The following PALM2AKAP2 variants were observed in gnomAD, a reference collection of about 807,000 sequenced individuals.
The protein encoded by PALM2AKAP2 is PALM2 and AKAP2 fusion, also known as PALM2-AKAP2 fusion protein.
A neutral mutation model predicts 71.5 loss-of-function variants in PALM2AKAP2; 37 were observed. The observed-to-expected ratio is 0.52, with a 90% CI of 0.40 to 0.68. PALM2AKAP2 has a LOEUF of 0.68. Among genes scored for constraint, PALM2AKAP2 ranks in the 30% least tolerant of loss-of-function variants. The pLI is 0.00. For missense variants in PALM2AKAP2, 1,224 were observed against 1,191.8 expected, an observed-to-expected ratio of 1.03 and a Z score of -0.40; for synonymous variants, 468 against 478.8, an observed-to-expected ratio of 0.98 and a Z score of 0.29.
chr9:109,707,528 G>C (rs1049104182), intron 1 of PALM2AKAP2, among the ~76,000 whole-genome samples: 3 of 152,156 alleles, frequency 2.0e-5, no homozygotes, highest in Non-Finnish European at 4.4e-5. Flanking sequence ...GTGCCAGGTA[G>C]TGCAAGGCAT....
At chr9:109,919,941 T>C (rs989955133) in intron 3 of PALM2AKAP2, among the ~76,000 whole-genome samples, 2 of 152,112 alleles carry the variant, frequency 1.3e-5, no homozygotes, top group African/African-American at 2.4e-5. Flanking sequence ...CTTAGCTGAG[T>C]GGCTCTAATT....
intron 1 of PALM2AKAP2, among the ~76,000 whole-genome samples, chr9:110,119,110 C>A (rs929039820): frequency 6.6e-6 from 1 of 151,854 alleles, no homozygotes; most frequent in Admixed American, 6.6e-5. Flanking sequence ...TTTGGGAGGC[C>A]GAAGTGGGCA....
chr9:109,865,324 C>T (rs1025110131), intron 1 of PALM2AKAP2, among the ~76,000 whole-genome samples: 5 of 151,960 alleles, frequency 3.3e-5, no homozygotes, highest in African/African-American at 7.3e-5. Flanking sequence ...GTCTCAAACT[C>T]GTGACCTCGG....
upstream of PALM2AKAP2, among the ~76,000 whole-genome samples, chr9:110,047,186 G>A (rs889671770): frequency 2.6e-5 from 4 of 152,194 alleles, no homozygotes; most frequent in Admixed American, 2.0e-4. Flanking sequence ...AAATTCAATA[G>A]TATAAGAGAC....
chr9:109,654,551 C>A (rs1449502333), intron 1 of PALM2AKAP2, among the ~76,000 whole-genome samples: 1 of 152,204 alleles, frequency 6.6e-6, no homozygotes, highest in Admixed American at 6.5e-5. Context: ...AGCTAAAGCA[C>A]AGTTCTGAAG....
intron 1 of PALM2AKAP2, among the ~76,000 whole-genome samples, chr9:109,811,892 C>T (rs893846976): frequency 7.9e-5 from 12 of 152,158 alleles, no homozygotes; most frequent in African/African-American, 2.9e-4. Flanking sequence ...TTTCTTAAAG[C>T]AAGTCATGGT....
intron 1 of PALM2AKAP2, among the ~76,000 whole-genome samples, chr9:109,723,742 G>A (rs1047660101): frequency 7.9e-5 from 12 of 152,340 alleles, no homozygotes; most frequent in African/African-American, 1.4e-4. Flanking sequence ...AAAAAGCAAA[G>A]GTGGTGAGGG....
intron 1 of PALM2AKAP2, among the ~76,000 whole-genome samples, chr9:109,644,691 G>A (rs1827123576): frequency 6.6e-6 from 1 of 152,134 alleles, no homozygotes; most frequent in Admixed American, 6.5e-5. Context: ...CCTCTTGAAT[G>A]CTTTGCTGCT....
At chr9:109,899,206 G>A (rs970039018) in intron 3 of PALM2AKAP2, among the ~76,000 whole-genome samples, 2 of 151,628 alleles carry the variant, frequency 1.3e-5, no homozygotes, top group African/African-American at 4.9e-5. Context: ...TACTTTCTCT[G>A]ATTGATTCCT....
intron 6 of PALM2AKAP2, among the ~76,000 whole-genome samples, chr9:109,974,202 T>C (rs1225444363): frequency 1.3e-5 from 2 of 152,202 alleles, no homozygotes; most frequent in Admixed American, 1.3e-4. Context: ...CACATGGCTG[T>C]TGTCAAGGCC....
At chr9:109,999,484 T>A (rs527609758) in intron 6 of PALM2AKAP2, among the ~76,000 whole-genome samples, 1 of 152,186 alleles carries the variant, frequency 6.6e-6, no homozygotes, top group Non-Finnish European at 1.5e-5. Context: ...GGGGATGGAC[T>A]GAGGCCTGGG....
intron 1 of PALM2AKAP2, among the ~76,000 whole-genome samples, chr9:109,781,464 T>A (rs1351442524): frequency 6.6e-6 from 1 of 152,254 alleles, no homozygotes; most frequent in Non-Finnish European, 1.5e-5. Flanking sequence ...TCCACCTAAA[T>A]ACATTTGTGT....
At chr9:110,003,640 C>T (rs1832722837) in intron 6 of PALM2AKAP2, among the ~76,000 whole-genome samples, 1 of 152,084 alleles carries the variant, frequency 6.6e-6, no homozygotes, top group African/African-American at 2.4e-5. Context: ...TGTTAAATCT[C>T]CCATTATTAT....
At chr9:110,116,354 CCGTGTGTG>C (rs1042091026) in intron 1 of PALM2AKAP2, among the ~76,000 whole-genome samples, 4 of 151,904 alleles carry the variant, frequency 2.6e-5, no homozygotes, top group Admixed American at 2.0e-4. Flanking sequence ...TTTAATGAGC[CCGTGTGTG>C]CGTGTGTGTG....
At chr9:110,135,173 ATATAT>A (rs1835829084) in intron 1 of PALM2AKAP2, among the ~76,000 whole-genome samples, 1 of 56,176 alleles carries the variant, frequency 1.8e-5, no homozygotes, top group Non-Finnish European at 3.8e-5. Flanking sequence ...AAATATATAA[ATATAT>A]ATATATATAT....
At chr9:110,045,249 G>A (rs144137746), upstream of PALM2AKAP2, among the ~76,000 whole-genome samples, 800 of 152,214 alleles carry the variant, frequency 5.3e-3, 3 homozygotes, top group African/African-American at 0.018. Context: ...ACATTTACAC[G>A]TTCGAGTTAT....
Position 109,919,735 on chromosome 9 carries a change from A to ATATGTG in PALM2AKAP2, c.258-3999_258-3998insATGTGT, listed in dbSNP as rs397798803. The stretch of plus-strand genomic sequence containing the variant: ...TATATATATATATGTGTGTATACAT[A>ATATGTG]TGTGTGTGTGTGTGTGTGTGTGTGT... On this transcript the variant is annotated intron_variant, in intron 3 of 9. Transcript: ENST00000302798. 3.9e-3 allele frequency among the ~76,000 whole-genome samples: 555 copies of ATATGTG among 143,056 alleles called. 2 individuals are homozygous for ATATGTG. Among genetic ancestry groups the ATATGTG allele is most frequent in the African/African-American group, 0.013 (497 of 38,962 alleles). 93.9% of individuals were successfully genotyped at this position (143,056 alleles called of 152,430 possible).
chr9:110,156,838 C>T (rs1836471270), intron 3 of PALM2AKAP2, among the ~76,000 whole-genome samples: 1 of 152,164 alleles, frequency 6.6e-6, no homozygotes, highest in African/African-American at 2.4e-5. Flanking sequence ...CATCCCTATG[C>T]ACCTGGGAGC....
chr9:109,662,799 G>A (rs544004646), intron 1 of PALM2AKAP2, among the ~76,000 whole-genome samples: 3 of 152,226 alleles, frequency 2.0e-5, no homozygotes, highest in Non-Finnish European at 2.9e-5. Flanking sequence ...GTCTGGTCCT[G>A]GACTTTTTTT....
Sources: allele counts gnomAD v4.1 joint callset (sites outside exome capture counted in the v4.1 genomes callset), GRCh38; gene constraint gnomAD v4.1.1; transcripts MANE v1.5; gene names NCBI Gene and HGNC (gene_info 2026-07-23, HGNC 2026-07-21).